Variants in CD2AP observed in about 807,000 individuals in gnomAD.
CD2AP encodes the protein CD2-associated protein.
A neutral mutation model predicts 85.1 loss-of-function variants in CD2AP; 46 were observed. That is an observed-to-expected ratio of 0.54 (90% CI 0.43 to 0.69). The LOEUF is 0.69. Ranked by LOEUF, CD2AP falls within the 30% of genes least tolerant of loss-of-function variation. The probability of loss-of-function intolerance (pLI) is 0.00; values close to 1 mark genes in which losing one functional copy is unlikely to be tolerated. For missense variants in CD2AP, 769 were observed against 729.5 expected, an observed-to-expected ratio of 1.05 and a Z score of -0.62; for synonymous variants, 255 against 252.9, an observed-to-expected ratio of 1.01 and a Z score of -0.08.
chr6:47,564,301 G>A (rs988150942), intron 5 of CD2AP, among the ~76,000 whole-genome samples: 1 of 151,876 alleles, frequency 6.6e-6, no homozygotes, highest in African/African-American at 2.4e-5. Flanking sequence ...TTAAAATTTG[G>A]TGTAAATTAA....
At chr6:47,555,205 T>C (rs1175256904) in intron 5 of CD2AP, among the ~76,000 whole-genome samples, 1 of 152,228 alleles carries the variant, frequency 6.6e-6, no homozygotes, top group East Asian at 1.9e-4. Context: ...TGTCATTTAG[T>C]TATTTTGTGA....
chr6:47,574,996 G>A (rs1026728017), intron 6 of CD2AP, among the ~76,000 whole-genome samples: 1 of 152,100 alleles, frequency 6.6e-6, no homozygotes, highest in Admixed American at 6.5e-5. Context: ...TAAAGACTGT[G>A]TTTTGGTTAT....
chr6:47,589,395 A>ACACACACACAC (rs1554182242), intron 11 of CD2AP, among the ~76,000 whole-genome samples: 43 of 8,554 alleles, frequency 5.0e-3, no homozygotes, highest in Non-Finnish European at 0.016. Context: ...CACACACACA[A>ACACACACACAC]ATGTATATAC....
intron 11 of CD2AP, among the ~76,000 whole-genome samples, chr6:47,585,117 C>T (rs1047516034): frequency 1.3e-5 from 2 of 151,568 alleles, no homozygotes; most frequent in African/African-American, 4.9e-5. Context: ...CACGGTGAAA[C>T]CCCGTCTCTA....
At chr6:47,552,272 T>C (rs1767548392) in intron 4 of CD2AP, among the ~76,000 whole-genome samples, 1 of 152,168 alleles carries the variant, frequency 6.6e-6, no homozygotes, top group Admixed American at 6.5e-5. Flanking sequence ...CTGTACCTAA[T>C]GTGTAGTCTT....
At chr6:47,600,849 C>T (rs1769109209) in intron 13 of CD2AP, among the ~76,000 whole-genome samples, 1 of 151,698 alleles carries the variant, frequency 6.6e-6, no homozygotes, top group African/African-American at 2.4e-5. Flanking sequence ...ATTATTTGCC[C>T]AATTTTAACT....
At chr6:47,502,952 G>A (rs866194210) in intron 1 of CD2AP, among the ~76,000 whole-genome samples, 13 of 152,198 alleles carry the variant, frequency 8.5e-5, no homozygotes, top group African/African-American at 2.4e-4. Context: ...ACATGAATAC[G>A]AGGAAGTGGG....
At chr6:47,532,345 GAA>G (rs1193168114) in intron 2 of CD2AP, among the ~76,000 whole-genome samples, 2 of 72,516 alleles carry the variant, frequency 2.8e-5, no homozygotes, top group African/African-American at 5.3e-5. Flanking sequence ...CTTGTCTGAA[GAA>G]AAAAAAAAAA....
chr6:47,576,482 A>T, intron 6 of CD2AP, 42 bp from the exon 7 acceptor site: 1 of 1,282,414 alleles, frequency 7.8e-7, no homozygotes, highest in Non-Finnish European at 1.1e-6. Context: ...TATTATCTTT[A>T]TTCTATCTTA....
chr6:47,622,384 A>G (rs1010654756), intron 17 of CD2AP, among the ~76,000 whole-genome samples: 2 of 151,986 alleles, frequency 1.3e-5, no homozygotes, highest in African/African-American at 4.8e-5. Flanking sequence ...AATTGTTACA[A>G]AGTTTAGCTA....
intron 5 of CD2AP, among the ~76,000 whole-genome samples, chr6:47,558,763 G>T (rs538265362): frequency 6.6e-6 from 1 of 152,278 alleles, no homozygotes; most frequent in African/African-American, 2.4e-5. Flanking sequence ...TGTTCATCAG[G>T]GATATTGGCC....
At chr6:47,511,552 G>T (rs1766313596) in intron 2 of CD2AP, among the ~76,000 whole-genome samples, 1 of 152,166 alleles carries the variant, frequency 6.6e-6, no homozygotes, top group Admixed American at 6.5e-5. Context: ...GTGGAATGTG[G>T]TTATACACAC....
chr6:47,605,171 G>A (rs890265547), intron 13 of CD2AP, among the ~76,000 whole-genome samples: 7 of 151,962 alleles, frequency 4.6e-5, no homozygotes, highest in Non-Finnish European at 1.0e-4. Flanking sequence ...AGATCTGGAC[G>A]ATTAGACCAA....
chr6:47,508,439 T>G (rs1053289014), intron 2 of CD2AP, among the ~76,000 whole-genome samples: 1 of 152,158 alleles, frequency 6.6e-6, no homozygotes, highest in Non-Finnish European at 1.5e-5. Flanking sequence ...ATTCAGTGAG[T>G]TGAAGAGAAT....
chr6:47,605,803 TAAG>T (rs1769254493), intron 13 of CD2AP, among the ~76,000 whole-genome samples: 1 of 152,016 alleles, frequency 6.6e-6, no homozygotes, highest in South Asian at 2.1e-4. Flanking sequence ...ATTATGAGTT[TAAG>T]AAGTAGATCT....
rs989146351 is a variant in CD2AP at position 47,533,271 on chromosome 6, T to C, written c.166-331T>C. 3.9e-5 allele frequency among the ~76,000 whole-genome samples: 6 copies of C among 152,272 alleles called. No individual in the cohort carries two copies. The East Asian group carries it at 9.6e-4, about 24-fold the overall frequency. The stretch of plus-strand genomic sequence containing the variant: ...GTAAAATATTTACTATCTGGCACTT[T>C]ATAGAAAGTTTGTTTACCCCTGACT... On this transcript the variant is annotated intron_variant, in intron 2 of 17. Coordinates refer to ENST00000359314, the MANE Select transcript of CD2AP (RefSeq NM_012120.3).
At chr6:47,612,432 T>C in intron 16 of CD2AP, 41 bp from the exon 17 acceptor site, 1 of 1,378,794 alleles carries the variant, frequency 7.3e-7, no homozygotes, top group Non-Finnish European at 1.0e-6. Context: ...AATAAATTAT[T>C]TAATCGAAAG....
At chr6:47,530,028 C>T (rs893486902) in intron 2 of CD2AP, among the ~76,000 whole-genome samples, 2 of 152,196 alleles carry the variant, frequency 1.3e-5, no homozygotes, top group African/African-American at 4.8e-5. Flanking sequence ...CTATTGCCTT[C>T]TCTGTACCTT....
chr6:47,616,194 C>A (rs1219487548), intron 17 of CD2AP, among the ~76,000 whole-genome samples: 1 of 147,522 alleles, frequency 6.8e-6, no homozygotes, highest in Non-Finnish European at 1.5e-5. Flanking sequence ...CAGGTTCAGG[C>A]AGTTCTCCTG....
Sources: gnomAD v4.1 joint callset for allele counts (sites outside exome capture counted in the v4.1 genomes callset) on GRCh38, gnomAD v4.1.1 for gene constraint, MANE v1.5 for transcripts, NCBI Gene and HGNC (gene_info 2026-07-23, HGNC 2026-07-21) for gene names.